Variants in ADARB1 observed in about 807,000 individuals in gnomAD.
The protein encoded by ADARB1 is adenosine deaminase RNA specific B1, also known as double-stranded RNA-specific editase 1.
Under a neutral mutation model 52.4 loss-of-function variants are expected in ADARB1, and 10 were observed. The observed-to-expected ratio is 0.19, with a 90% CI of 0.12 to 0.32. ADARB1 has a LOEUF of 0.32. ADARB1 is among the 10% of genes least tolerant of loss of function. The probability of loss-of-function intolerance (pLI) is 1.00; values close to 1 mark genes in which losing one functional copy is unlikely to be tolerated. For missense variants in ADARB1, 643 were observed against 922.3 expected (o/e 0.70, Z 3.92); for synonymous variants, 349 against 371.1 (o/e 0.94, Z 0.68).
At chr21:45,194,231 C>A (rs983255050) in intron 8 of ADARB1, among the ~76,000 whole-genome samples, 2 of 152,200 alleles carry the variant, frequency 1.3e-5, no homozygotes, top group East Asian at 1.9e-4. Context: ...GCCTCCCCAT[C>A]ATCAGCATCT....
chr21:45,148,278 A>G (rs1430057970), intron 2 of ADARB1, among the ~76,000 whole-genome samples: 2 of 152,160 alleles, frequency 1.3e-5, no homozygotes, highest in African/African-American at 4.8e-5. Context: ...GCTGGGTAAA[A>G]GGAATTAAGG....
At chr21:45,120,492 G>T (rs573690399) in intron 1 of ADARB1, among the ~76,000 whole-genome samples, 4 of 152,284 alleles carry the variant, frequency 2.6e-5, no homozygotes, top group African/African-American at 9.6e-5. Context: ...CCTGGCACTC[G>T]CTCAGGATCC....
intron 1 of ADARB1, among the ~76,000 whole-genome samples, chr21:45,094,619 C>T (rs908371497): frequency 6.6e-6 from 1 of 152,078 alleles, no homozygotes; most frequent in Non-Finnish European, 1.5e-5. Flanking sequence ...CGGCCCTGCA[C>T]GTGGGCCCTG....
At chr21:45,116,568 T>C (rs901666039) in intron 1 of ADARB1, among the ~76,000 whole-genome samples, 8 of 152,208 alleles carry the variant, frequency 5.3e-5, no homozygotes, top group Admixed American at 3.9e-4. Flanking sequence ...GACTGGGTGA[T>C]TTATGAAGGA....
intron 1 of ADARB1, among the ~76,000 whole-genome samples, chr21:45,104,088 C>G (rs970335161): frequency 6.6e-6 from 1 of 152,170 alleles, no homozygotes; most frequent in Non-Finnish European, 1.5e-5. Flanking sequence ...GCAGTGCGTT[C>G]AGCTAGCTCG....
intron 2 of ADARB1, among the ~76,000 whole-genome samples, chr21:45,149,201 C>T (rs1427638546): frequency 6.6e-6 from 1 of 152,232 alleles, no homozygotes; most frequent in Non-Finnish European, 1.5e-5. Flanking sequence ...CTATTCCTCT[C>T]GGCAGGCTCC....
chr21:45,135,585 C>T lies in ADARB1; in HGVS notation c.-48+7012C>T, dbSNP rs572710354. ...CTCAAAACCGTGAGCGGTAGATAGA[C>T]AGAGTAGCCCCTAATGAAGCAGAAA... On this transcript the variant is annotated intron_variant, in intron 2 of 10. Coordinates refer to ENST00000348831, the MANE Select transcript of ADARB1 (RefSeq NM_001112.4). 3.9e-5 allele frequency among the ~76,000 whole-genome samples: 6 copies of T among 152,340 alleles called. No homozygotes were observed. In the South Asian group the frequency reaches 1.2e-3, roughly 32 times the overall value.
chr21:45,120,968 G>T (rs543884735), intron 1 of ADARB1: 2 of 152,204 alleles, frequency 1.3e-5, no homozygotes, highest in South Asian at 2.1e-4. Context: ...TGGTATGTGT[G>T]TATTCAACTC....
chr21:45,210,634 C>T (rs927650339), intron 9 of ADARB1, among the ~76,000 whole-genome samples: 2 of 152,246 alleles, frequency 1.3e-5, no homozygotes, highest in Non-Finnish European at 2.9e-5. Context: ...CTGCCGTCAC[C>T]CTTCACAGTG....
In ADARB1 at chr21:45,204,627, C is replaced by T; in HGVS notation, c.1638C>T (p.Ile546=). The change falls in exon 9 of 11, where the codon ATC becomes ATT. Residue 546 remains isoleucine (I), a synonymous_variant. Coordinates refer to ENST00000348831, the MANE Select transcript of ADARB1 (RefSeq NM_001112.4). This position sits in a 1 kb window ranked among gnomAD's most constrained non-coding sequence, Gnocchi z 4.4. Reference sequence around the variant, plus strand: ...AGCCCATTTACTTCTCGAGCATCATCCTGGGCAGCCTTTACCACGGGGACC... The same window carrying T: ...AGCCCATTTACTTCTCGAGCATCATTCTGGGCAGCCTTTACCACGGGGACC... ...FVEPIYFSSI[I]LGSLYHGDHL... is the part of the protein sequence containing the mutation. 1 of 1,614,172 alleles carries T rather than the reference C, an allele frequency of 6.2e-7. No individual in the cohort carries two copies.
chr21:45,143,309 C>A (rs978009232), intron 2 of ADARB1, among the ~76,000 whole-genome samples: 6 of 152,214 alleles, frequency 3.9e-5, no homozygotes, highest in Non-Finnish European at 5.9e-5. Context: ...CATCTATAGA[C>A]CTCCACAACT....
chr21:45,129,519 G>A (rs893666263), intron 2 of ADARB1, among the ~76,000 whole-genome samples: 6 of 152,250 alleles, frequency 3.9e-5, no homozygotes, highest in South Asian at 2.1e-4. Flanking sequence ...TTGCTCTGTG[G>A]ATACTGACGA....
intron 1 of ADARB1, among the ~76,000 whole-genome samples, chr21:45,109,129 C>T (rs2087391716): frequency 6.6e-6 from 1 of 151,254 alleles, no homozygotes; most frequent in African/African-American, 2.4e-5. Context: ...CTGCCTCCTC[C>T]TGTATGCGTG....
At chr21:45,139,249 A>G (rs1054424581) in intron 2 of ADARB1, among the ~76,000 whole-genome samples, 1 of 152,156 alleles carries the variant, frequency 6.6e-6, no homozygotes, top group African/African-American at 2.4e-5. Context: ...ACCAAAGTAG[A>G]AAACTTCTTC....
intron 1 of ADARB1, among the ~76,000 whole-genome samples, chr21:45,078,384 G>A (rs2086027491): frequency 6.6e-6 from 1 of 152,342 alleles, no homozygotes; most frequent in Middle Eastern, 3.4e-3. Flanking sequence ...GCCTGATGAG[G>A]AGAGTTCCTG....
chr21:45,178,205 G>A (rs984791), intron 4 of ADARB1, among the ~76,000 whole-genome samples: 77,352 of 152,126 alleles, frequency 0.51, 20,031 homozygotes, highest in South Asian at 0.57. Flanking sequence ...CAGTAGAGAT[G>A]TCACCCCTGC....
chr21:45,218,752 G>T (rs939546726), intron 9 of ADARB1, among the ~76,000 whole-genome samples: 11 of 152,198 alleles, frequency 7.2e-5, no homozygotes, highest in African/African-American at 2.7e-4. Flanking sequence ...TGGTGACGGG[G>T]TGGGGGTGGC....
chr21:45,118,901 T>G (rs1339352658), intron 1 of ADARB1, among the ~76,000 whole-genome samples: 1 of 152,236 alleles, frequency 6.6e-6, no homozygotes, highest in African/African-American at 2.4e-5. Flanking sequence ...TGCTTTCGTC[T>G]GCCTTATGCC....
intron 9 of ADARB1, among the ~76,000 whole-genome samples, chr21:45,209,547 T>C (rs1207697056): frequency 2.0e-5 from 3 of 152,220 alleles, no homozygotes; most frequent in African/African-American, 7.2e-5. Flanking sequence ...TGTGGATGTC[T>C]GGGCTCTGCC....
Sources: gnomAD v4.1 joint callset for allele counts (sites outside exome capture counted in the v4.1 genomes callset) on GRCh38, gnomAD v4.1.1 for gene constraint, Gnocchi (gnomAD v3.1) non-coding constraint, MANE v1.5 for transcripts, NCBI Gene and HGNC (gene_info 2026-07-23, HGNC 2026-07-21) for gene names.